PAPOLB: variants seen among roughly 807,000 people sequenced by gnomAD.
PAPOLB encodes the protein poly(A) polymerase beta.
PAPOLB carries 19 observed loss-of-function variants against 23.2 expected under a neutral mutation model. The observed-to-expected ratio is 0.82, with a 90% confidence interval of 0.57 to 1.20. The LOEUF (loss-of-function observed/expected upper bound fraction) is 1.20. Among genes scored for constraint, PAPOLB ranks in the 50% most tolerant of loss-of-function variants. The pLI, the probability that PAPOLB is intolerant of heterozygous loss-of-function variation, is 0.00. For synonymous variants in PAPOLB, 360 were observed against 290.7 expected, an observed-to-expected ratio of 1.24 and a Z score of -2.43; for missense variants, 822 against 776.8, an observed-to-expected ratio of 1.06 and a Z score of -0.69.
At position 4,860,338 on chromosome 7, in the gene PAPOLB, T is replaced by C. The variant is rs1215232084; in HGVS notation, c.1473A>G (p.Arg491=). ...GAGGCAGCAGCTGGTGAAGTTCCTTTCTTCTTAAATGCATTGCAGTAATTT... is the reference window on the plus strand; with the variant it reads ...GAGGCAGCAGCTGGTGAAGTTCCTTCCTTCTTAAATGCATTGCAGTAATTT... ...GMKITAMHLR[R]KELHQLLPHH... The change falls in exon 1 of 1, where the codon AGA becomes AGG. Residue 491 remains arginine (R), a synonymous_variant. Coordinates refer to ENST00000404991, the MANE Select transcript of PAPOLB (RefSeq NM_020144.5). 2 of 1,614,036 alleles carry C rather than the reference T, an allele frequency of 1.2e-6. No homozygotes were observed. The highest frequency in any genetic ancestry group is 2.2e-5 in the South Asian group (2 of 91,084).
chr7:4,861,830 C>CG lies in PAPOLB; in HGVS notation c.-21_-20insC. Reference sequence around the variant, plus strand: ...CATCATCTTTCAGCGCCCGCCCCGCCAGGGCACGTCCCCCACCACCGCGAC... The same window carrying CG: ...CATCATCTTTCAGCGCCCGCCCCGCCGAGGGCACGTCCCCCACCACCGCGAC... On this transcript the variant is annotated 5_prime_UTR_variant, in exon 1 of 1. It removes the in-frame stop codon of an upstream open reading frame in the 5' UTR. Transcript: ENST00000404991. The CG allele has an allele frequency of 7.9e-7, 1 of 1,270,220 alleles. No individual in the cohort carries two copies. The allele number at this position is 1,270,220 out of a possible 1,614,324, so 78.7% of individuals were successfully genotyped here.
In PAPOLB at chr7:4,861,141, T is replaced by A; in HGVS notation, c.670A>T (p.Thr224Ser). 3 of 1,614,194 alleles carry A rather than the reference T, an allele frequency of 1.9e-6. No individual in the cohort carries two copies. Among genetic ancestry groups the A allele is most frequent in the Non-Finnish European group, 2.5e-6 (3 of 1,180,036 alleles). Reference protein sequence around the residue: ...LVPNIDNFRLTLRAIKLWAKC... With the variant: ...LVPNIDNFRLSLRAIKLWAKC... ...GCCCACAGTTTGATGGCTCTCAGAGTCAGCCTGAAGTTGTCAATGTTTGGC... is the reference window on the plus strand; with the variant it reads ...GCCCACAGTTTGATGGCTCTCAGAGACAGCCTGAAGTTGTCAATGTTTGGC... Residue 224 changes from threonine to serine, a missense_variant, in exon 1 of 1, where the codon ACT becomes TCT. This residue lies in a region of PAPOLB where 534 missense variants were observed against 502.8 expected (regional missense o/e 1.06). Transcript: ENST00000404991.
In PAPOLB at chr7:4,860,301, G is replaced by T. The variant is rs1428183683; in HGVS notation, c.1510C>A (p.Gln504Lys). Reference protein sequence around the residue: ...LHQLLPHHVLQDKKAHSTEGR... With the variant: ...LHQLLPHHVLKDKKAHSTEGR... ...TCTGTTGAGTGTGCTTTCTTGTCCT[G>T]AAGCACATGATGAGGCAGCAGCTGG... The change falls in exon 1 of 1, where the codon CAG becomes AAG. Residue 504 changes from glutamine (Q) to lysine (K), a missense_variant. By Grantham distance (53) the Gln-to-Lys change is moderately conservative. This residue lies in a region of PAPOLB where 534 missense variants were observed against 502.8 expected (regional missense o/e 1.06). Transcript: ENST00000404991. 1 of 1,613,826 alleles carries T rather than the reference G, an allele frequency of 6.2e-7. No homozygotes were observed. Among genetic ancestry groups the T allele is most frequent in the Non-Finnish European group, 8.5e-7 (1 of 1,179,870 alleles).
In PAPOLB at chr7:4,858,056, C is replaced by T. The variant is rs11972290; in HGVS notation, c.*1841G>A. The T allele has an allele frequency of 0.15, 22,269 of 152,506 alleles. 2,135 individuals carry two copies. The highest frequency in any genetic ancestry group is 0.27 in the African/African-American group (11,164 of 41,442). The allele number at this position is 152,506 out of a possible 1,614,324, so 9.4% of individuals were successfully genotyped here. On this transcript the variant is annotated 3_prime_UTR_variant, in exon 1 of 1. Transcript: ENST00000404991. The stretch of plus-strand genomic sequence containing the variant: ...CCTAACGCCATAGCCATTCAAAATA[C>T]AGATATTGTGCACACTTCACCCGAT...
Position 4,860,749 on chromosome 7 carries a change from T to G in PAPOLB, c.1062A>C (p.Leu354=), listed in dbSNP as rs1783967500. Reference sequence around the variant, plus strand: ...AGAGTTTGGACCACTCTGCCTTACTTAGCAAAATCTCGTGTGTGATAGCAA... The same window carrying G: ...AGAGTTTGGACCACTCTGCCTTACTGAGCAAAATCTCGTGTGTGATAGCAA... The part of the protein sequence containing the change: ...QGLAITHEIL[L]SKAEWSKLFE... Residue 354 remains leucine (L), a synonymous_variant, in exon 1 of 1, where the codon CTA becomes CTC. Transcript: ENST00000404991. The G allele has an allele frequency of 6.2e-7, 1 of 1,614,170 alleles. No homozygotes were observed. Among genetic ancestry groups the G allele is most frequent in the Non-Finnish European group, 8.5e-7 (1 of 1,180,008 alleles).
Position 4,860,737 on chromosome 7 carries a change from C to G in PAPOLB, c.1074G>C (p.Glu358Asp). ...ITHEILLSKA[E>D]WSKLFEAPSF... ...TTGGAGCTTCAAAGAGTTTGGACCA[C>G]TCTGCCTTACTTAGCAAAATCTCGT... Residue 358 changes from glutamate to aspartate, a missense_variant, in exon 1 of 1, where the codon GAG becomes GAC. Around this residue, in one of 3 missense-constraint regions of PAPOLB, gnomAD observed 534 missense variants for 502.8 expected, o/e 1.06. Transcript: ENST00000404991. The G allele has an allele frequency of 6.2e-7, 1 of 1,614,144 alleles. No homozygotes were observed. Among genetic ancestry groups the G allele is most frequent in the Non-Finnish European group, 8.5e-7 (1 of 1,179,986 alleles).
chr7:4,861,791 G>C lies in PAPOLB; in HGVS notation c.20C>G (p.Thr7Arg). MMPFPV[T>R]TQGPPQPAPP... ...CGCCGGCTGCGGTGGTCCCTGGGTT[G>C]TCACCGGAAACGGCATCATCTTTCA... is the stretch of plus-strand genomic sequence containing the variant. The change falls in exon 1 of 1, where the codon ACA becomes AGA. Residue 7 changes from threonine to arginine, a missense_variant. Thr to Arg is a moderately conservative substitution (Grantham distance 71). Coordinates refer to ENST00000404991, the MANE Select transcript of PAPOLB (RefSeq NM_020144.5). The C allele has an allele frequency of 6.9e-7, 1 of 1,453,802 alleles. No homozygotes were observed. 90.1% of individuals were successfully genotyped at this position (1,453,802 alleles called of 1,614,324 possible).
Position 4,860,692 on chromosome 7 carries a change from C to T in PAPOLB, c.1119G>A (p.Lys373=). ...CACTTGCCAGAAGTACAATATAATG[C>T]TTGTACTTTTGAAAGAAGCTTGGAG... ...FEAPSFFQKY[K]HYIVLLASAS... is the part of the protein sequence containing the mutation. The change falls in exon 1 of 1, where the codon AAG becomes AAA. Residue 373 remains lysine, a synonymous_variant. Transcript: ENST00000404991. The T allele has an allele frequency of 1.2e-6, 2 of 1,614,046 alleles. No homozygotes were observed. The highest frequency in any genetic ancestry group is 2.7e-5 in the African/African-American group (2 of 75,056).
Position 4,861,850 on chromosome 7 carries a change from C to T in PAPOLB, c.-40G>A. 4 of 1,351,118 alleles carry T rather than the reference C, an allele frequency of 3.0e-6. No individual in the cohort carries two copies. The highest frequency in any genetic ancestry group is 3.9e-6 in the Non-Finnish European group (4 of 1,032,356). The allele number at this position is 1,351,118 out of a possible 1,614,324, so 83.7% of individuals were successfully genotyped here. On this transcript the variant is annotated 5_prime_UTR_variant, in exon 1 of 1. Coordinates refer to ENST00000404991, the MANE Select transcript of PAPOLB (RefSeq NM_020144.5). The stretch of plus-strand genomic sequence containing the variant: ...CCCGCCAGGGCACGTCCCCCACCAC[C>T]GCGACCTTCGCGGCCGCCGCCCGGG...
rs1049102543 is a variant in PAPOLB at position 4,861,902 on chromosome 7, G to C, written c.-92C>G. Reference sequence around the variant, plus strand: ...CATGATCCGCTGAGGCGGAAGGGCAGGGCTTCTAGCTGCCCTGGTCCGACC... The same window carrying C: ...CATGATCCGCTGAGGCGGAAGGGCACGGCTTCTAGCTGCCCTGGTCCGACC... On this transcript the variant is annotated 5_prime_UTR_variant, in exon 1 of 1. Transcript: ENST00000404991. The C allele has an allele frequency of 6.1e-5, 46 of 755,918 alleles. No homozygotes were observed. The East Asian group carries it at 1.4e-3, about 22-fold the overall frequency. 46.8% of individuals were successfully genotyped at this position (755,918 alleles called of 1,614,324 possible). A position where few individuals can be genotyped will look rare whatever the true frequency, so the allele number is the denominator to read the frequency against.
In PAPOLB at chr7:4,859,709, G is replaced by T. The variant is rs1271083669; in HGVS notation, c.*188C>A. On this transcript the variant is annotated 3_prime_UTR_variant, in exon 1 of 1. Transcript: ENST00000404991. ...TACTGAATTCTTGATAACAGGAATT[G>T]GATTTGCAGGGAGAACAGGGATACC... The T allele has an allele frequency of 8.5e-6, 5 of 587,666 alleles. No homozygotes were observed. The African/African-American group carries it at 9.3e-5, about 11-fold the overall frequency. The allele number at this position is 587,666 out of a possible 1,614,324, so 36.4% of individuals were successfully genotyped here.
Position 4,859,822 on chromosome 7 carries a change from T to G in PAPOLB, c.*75A>C. On this transcript the variant is annotated 3_prime_UTR_variant, in exon 1 of 1. Transcript: ENST00000404991. ...AATGGAGTTGTACTTGTCTTTGTAT[T>G]GAGTTTCTCCTCTTCCGTTTTGGTT... 2.3e-6 allele frequency: 2 copies of G among 874,178 alleles called. No homozygotes were observed. The highest frequency in any genetic ancestry group is 3.6e-6 in the Non-Finnish European group (2 of 558,640). 54.2% of individuals were successfully genotyped at this position (874,178 alleles called of 1,614,324 possible).
chr7:4,858,052 A>C lies in PAPOLB; in HGVS notation c.*1845T>G, dbSNP rs1198625996. 1 of 152,638 alleles carries C rather than the reference A, an allele frequency of 6.6e-6. No individual in the cohort carries two copies. The highest frequency in any genetic ancestry group is 2.4e-5 in the African/African-American group (1 of 41,452). The allele number at this position is 152,638 out of a possible 1,614,324, so 9.5% of individuals were successfully genotyped here. A position where few individuals can be genotyped will look rare whatever the true frequency, so the allele number is the denominator to read the frequency against. On this transcript the variant is annotated 3_prime_UTR_variant, in exon 1 of 1. Transcript: ENST00000404991. ...TCAACCTAACGCCATAGCCATTCAA[A>C]ATACAGATATTGTGCACACTTCACC...
chr7:4,860,312 T>G lies in PAPOLB; in HGVS notation c.1499A>C (p.His500Pro), dbSNP rs762677744. ...TGCTTTCTTGTCCTGAAGCACATGA[T>G]GAGGCAGCAGCTGGTGAAGTTCCTT... ...RRKELHQLLP[H>P]HVLQDKKAHS... Residue 500 changes from histidine (H) to proline (P), a missense_variant, in exon 1 of 1, where the codon CAT becomes CCT. Physicochemically the swap from His to Pro is moderately conservative, Grantham distance 77 (BLOSUM62 -2). Coordinates refer to ENST00000404991, the MANE Select transcript of PAPOLB (RefSeq NM_020144.5). The G allele has an allele frequency of 1.9e-6, 3 of 1,613,928 alleles. No individual in the cohort carries two copies. The highest frequency in any genetic ancestry group is 1.3e-5 in the African/African-American group (1 of 74,948).
chr7:4,861,178 AATTTCATCGGTTAC>A lies in PAPOLB; in HGVS notation c.619_632del (p.Val207PhefsTer8). 1.9e-6 allele frequency: 3 copies of A among 1,614,218 alleles called. No individual in the cohort carries two copies. Among genetic ancestry groups the A allele is most frequent in the Non-Finnish European group, 2.5e-6 (3 of 1,180,042 alleles). On this transcript the variant is annotated frameshift_variant, in exon 1 of 1. Transcript: ENST00000404991. LOFTEE classifies it high-confidence loss of function. ...TGTCAATGTTTGGCACTAGATGTAA[AATTTCATCGGTTAC>A]CCGGCAACCATTAAGGCTTCTTATG...
Position 4,860,345 on chromosome 7 carries a change from A to G in PAPOLB, c.1466T>C (p.Leu489Ser), listed in dbSNP as rs1485459389. Residue 489 changes from leucine (L) to serine (S), a missense_variant, in exon 1 of 1, where the codon TTA becomes TCA. Leu to Ser is a moderately radical substitution (Grantham distance 145). Around this residue, in one of 3 missense-constraint regions of PAPOLB, gnomAD observed 534 missense variants for 502.8 expected, o/e 1.06. Coordinates refer to ENST00000404991, the MANE Select transcript of PAPOLB (RefSeq NM_020144.5). ...CAGCTGGTGAAGTTCCTTTCTTCTTAAATGCATTGCAGTAATTTTCATACC... is the reference window on the plus strand; with the variant it reads ...CAGCTGGTGAAGTTCCTTTCTTCTTGAATGCATTGCAGTAATTTTCATACC... ...EMGMKITAMH[L>S]RRKELHQLLP... 6.2e-7 allele frequency: 1 copy of G among 1,614,024 alleles called. No individual in the cohort carries two copies. Among genetic ancestry groups the G allele is most frequent in the South Asian group, 1.1e-5 (1 of 91,080 alleles).
chr7:4,860,280 T>G lies in PAPOLB; in HGVS notation c.1531A>C (p.Thr511Pro), dbSNP rs1462611834. 9.3e-6 allele frequency: 15 copies of G among 1,613,790 alleles called. No individual in the cohort carries two copies. The highest frequency in any genetic ancestry group is 1.3e-5 in the Non-Finnish European group (15 of 1,179,822). Reference sequence around the variant, plus strand: ...AAATCTGTCAATCTTCTACCTTCTGTTGAGTGTGCTTTCTTGTCCTGAAGC... The same window carrying G: ...AAATCTGTCAATCTTCTACCTTCTGGTGAGTGTGCTTTCTTGTCCTGAAGC... ...HVLQDKKAHS[T>P]EGRRLTDLND... The change falls in exon 1 of 1, where the codon ACA becomes CCA. Residue 511 changes from threonine to proline, a missense_variant. Around this residue, in one of 3 missense-constraint regions of PAPOLB, gnomAD observed 534 missense variants for 502.8 expected, o/e 1.06. Coordinates refer to ENST00000404991, the MANE Select transcript of PAPOLB (RefSeq NM_020144.5).
rs1783998119 is a variant in PAPOLB at position 4,861,562 on chromosome 7, G to A, written c.249C>T (p.Ser83=). 1.2e-6 allele frequency: 2 copies of A among 1,613,950 alleles called. No homozygotes were observed. The highest frequency in any genetic ancestry group is 1.7e-6 in the Non-Finnish European group (2 of 1,179,864). Residue 83 remains serine (S), a synonymous_variant, in exon 1 of 1, where the codon AGC becomes AGT. Coordinates refer to ENST00000404991, the MANE Select transcript of PAPOLB (RefSeq NM_020144.5). ...VKEWIREISE[S]KSLPQSVIEN... is the part of the protein sequence containing the mutation. ...CAATTACAGACTGGGGAAGACTCTTGCTTTCACTGATTTCGCGTATCCATT... is the reference window on the plus strand; with the variant it reads ...CAATTACAGACTGGGGAAGACTCTTACTTTCACTGATTTCGCGTATCCATT...
Position 4,861,850 on chromosome 7 carries a change from C to CGCGACCTTCACGTCCCCCACCACT in PAPOLB, c.-41_-40insAGTGGTGGGGGACGTGAAGGTCGC. Reference sequence around the variant, plus strand: ...CCCGCCAGGGCACGTCCCCCACCACCGCGACCTTCGCGGCCGCCGCCCGGG... The same window carrying CGCGACCTTCACGTCCCCCACCACT: ...CCCGCCAGGGCACGTCCCCCACCACCGCGACCTTCACGTCCCCCACCACTGCGACCTTCGCGGCCGCCGCCCGGG... On this transcript the variant is annotated 5_prime_UTR_variant, in exon 1 of 1. Transcript: ENST00000404991. 7.4e-7 allele frequency: 1 copy of CGCGACCTTCACGTCCCCCACCACT among 1,351,110 alleles called. No homozygotes were observed. The highest frequency in any genetic ancestry group is 9.7e-7 in the Non-Finnish European group (1 of 1,032,348). The allele number at this position is 1,351,110 out of a possible 1,614,324, so 83.7% of individuals were successfully genotyped here. A position where few individuals can be genotyped will look rare whatever the true frequency, so the allele number is the denominator to read the frequency against.
Sources: allele counts gnomAD v4.1 joint callset, GRCh38; gene constraint gnomAD v4.1.1; regional missense constraint gnomAD v4.1.1; transcripts MANE v1.5; gene names NCBI Gene and HGNC (gene_info 2026-07-23, HGNC 2026-07-21).